The following MACROD2 variants were observed in gnomAD, a reference collection of about 807,000 sequenced individuals.
MACROD2 encodes the protein ADP-ribose glycohydrolase MACROD2.
MACROD2 carries 36 observed loss-of-function variants against 70.4 expected under a neutral mutation model. The observed-to-expected ratio is 0.51, with a 90% CI of 0.39 to 0.68. MACROD2 has a LOEUF of 0.68. Ranked by LOEUF, MACROD2 falls within the 30% of genes least tolerant of loss-of-function variation. The pLI, the probability that MACROD2 is intolerant of heterozygous loss-of-function variation, is 0.00. For missense variants in MACROD2, 496 were observed against 538.4 expected, an observed-to-expected ratio of 0.92 and a Z score of 0.78; for synonymous variants, 172 against 178.8, an observed-to-expected ratio of 0.96 and a Z score of 0.30.
chr20:15,356,010 A>T (rs1214764477), intron 6 of MACROD2, among the ~76,000 whole-genome samples: 1 of 152,050 alleles, frequency 6.6e-6, no homozygotes, highest in Non-Finnish European at 1.5e-5. Context: ...CTGGGCTCAG[A>T]CTTTTCTTCT....
chr20:15,285,038 T>G (rs2077478365), intron 6 of MACROD2, among the ~76,000 whole-genome samples: 1 of 151,516 alleles, frequency 6.6e-6, no homozygotes, highest in Non-Finnish European at 1.5e-5. Context: ...TCTATTTTTA[T>G]GACTAATGTT....
At position 15,816,742 on chromosome 20, in the gene MACROD2, C is replaced by T. The variant is rs553940009; in HGVS notation, c.646-46003C>T. ...TAGCTCCAGTCTGTACTAGGCATTA[C>T]GATGGTAAGTCCAGATGCAAAGAAA... On this transcript the variant is annotated intron_variant, in intron 8 of 17. Transcript: ENST00000684519. Among the ~76,000 whole-genome samples, 25 of 152,294 alleles carry T rather than the reference C, an allele frequency of 1.6e-4. No homozygotes were observed. In the South Asian group the frequency reaches 3.7e-3, roughly 23 times the overall value.
intron 8 of MACROD2, among the ~76,000 whole-genome samples, chr20:15,679,610 C>T (rs775216965): frequency 2.6e-5 from 4 of 152,196 alleles, no homozygotes; most frequent in Non-Finnish European, 5.9e-5. Context: ...TTAGCACTCT[C>T]AGAGCTTTGA....
chr20:15,920,703 C>A (rs962584671), intron 10 of MACROD2, among the ~76,000 whole-genome samples: 2 of 152,078 alleles, frequency 1.3e-5, no homozygotes, highest in Non-Finnish European at 2.9e-5. Context: ...TGCCTTTAGC[C>A]GGCAAATGAT....
chr20:15,332,946 C>T (rs79870965), intron 6 of MACROD2, among the ~76,000 whole-genome samples: 1 of 85,630 alleles, frequency 1.2e-5, no homozygotes, highest in Non-Finnish European at 2.0e-5. Context: ...TCAGCTTCTC[C>T]CTCTTGGCAC....
rs193094781 is a variant in MACROD2 at position 16,000,526 on chromosome 20, G to C, written c.1153+13368G>C. ...ACTCAGAAGCCTATTACCTTACTTT[G>C]ACTTGGCTTTATCTGGTCAGTCTCA... On this transcript the variant is annotated intron_variant, in intron 15 of 17. Transcript: ENST00000684519. Among the ~76,000 whole-genome samples the C allele has an allele frequency of 1.9e-3, 292 of 152,282 alleles. 1 individual carries two copies. Among genetic ancestry groups the C allele is most frequent in the Non-Finnish European group, 9.6e-4 (65 of 68,032 alleles).
At chr20:14,463,566 C>T (rs547009132) in intron 3 of MACROD2, among the ~76,000 whole-genome samples, 5 of 152,134 alleles carry the variant, frequency 3.3e-5, no homozygotes, top group African/African-American at 1.2e-4. Flanking sequence ...GAACTTCCAA[C>T]ACTATGTTGA....
At chr20:15,501,953 A>T (rs2047370253) in intron 8 of MACROD2, among the ~76,000 whole-genome samples, 1 of 152,180 alleles carries the variant, frequency 6.6e-6, no homozygotes, top group Admixed American at 6.5e-5. Flanking sequence ...CTGATTGGTT[A>T]AGCTACTTAT....
chr20:14,406,814 T>C (rs1025751023), intron 3 of MACROD2, among the ~76,000 whole-genome samples: 1 of 152,176 alleles, frequency 6.6e-6, no homozygotes, highest in Non-Finnish European at 1.5e-5. Flanking sequence ...ATATCACATA[T>C]TAATCATTGA....
chr20:14,757,850 C>A (rs921855271), intron 5 of MACROD2: 12 of 1,517,020 alleles, frequency 7.9e-6, no homozygotes, highest in Non-Finnish European at 1.1e-5. Flanking sequence ...ATGCCGTAGC[C>A]GTCCAGGGAC....
At chr20:15,422,614 A>G (rs1473564984) in intron 6 of MACROD2, among the ~76,000 whole-genome samples, 1 of 152,198 alleles carries the variant, frequency 6.6e-6, no homozygotes, top group Non-Finnish European at 1.5e-5. Flanking sequence ...AGTGCTCAGC[A>G]CATTTCGGTA....
chr20:15,615,478 A>T (rs976768262), intron 8 of MACROD2, among the ~76,000 whole-genome samples: 1 of 152,240 alleles, frequency 6.6e-6, no homozygotes, highest in African/African-American at 2.4e-5. Context: ...CCTTCATCAG[A>T]GCTGAGAGAG....
intron 5 of MACROD2, among the ~76,000 whole-genome samples, chr20:14,982,041 G>A (rs954570301): frequency 7.9e-5 from 12 of 152,140 alleles, no homozygotes; most frequent in African/African-American, 2.9e-4. Flanking sequence ...ATAAGGTCCA[G>A]GCTGTGGTGG....
At chr20:14,992,573 C>T (rs572610856) in intron 5 of MACROD2, among the ~76,000 whole-genome samples, 1 of 152,150 alleles carries the variant, frequency 6.6e-6, no homozygotes, top group Non-Finnish European at 1.5e-5. Context: ...TGTGATATGG[C>T]CTTTAAGATG....
intron 3 of MACROD2, among the ~76,000 whole-genome samples, chr20:14,275,754 G>A (rs1161570641): frequency 6.6e-6 from 1 of 152,090 alleles, no homozygotes. Flanking sequence ...CTAATATCCA[G>A]AATCTACAAT....
At chr20:14,967,723 G>T (rs995872295) in intron 5 of MACROD2, among the ~76,000 whole-genome samples, 1 of 151,980 alleles carries the variant, frequency 6.6e-6, no homozygotes, top group Non-Finnish European at 1.5e-5. Context: ...TTCCATGCTA[G>T]TGCTTTTGAG....
At chr20:15,562,769 G>T (rs1333036904) in intron 8 of MACROD2, among the ~76,000 whole-genome samples, 2 of 152,196 alleles carry the variant, frequency 1.3e-5, no homozygotes, top group African/African-American at 4.8e-5. Flanking sequence ...TAATGGAAAT[G>T]ATCTCCATGG....
At chr20:15,125,221 A>G (rs2076058003) in intron 5 of MACROD2, among the ~76,000 whole-genome samples, 1 of 152,230 alleles carries the variant, frequency 6.6e-6, no homozygotes, top group East Asian at 1.9e-4. Flanking sequence ...TATGATTTGG[A>G]AAACCTTTCA....
chr20:16,045,502 C>T (rs982605200), intron 17 of MACROD2, among the ~76,000 whole-genome samples: 17 of 152,094 alleles, frequency 1.1e-4, no homozygotes, highest in Non-Finnish European at 1.9e-4. Flanking sequence ...GAATTTTAGG[C>T]TCCTTTTCTC....
Sources: allele counts gnomAD v4.1 joint callset (sites outside exome capture counted in the v4.1 genomes callset), GRCh38; gene constraint gnomAD v4.1.1; transcripts MANE v1.5; gene names NCBI Gene and HGNC (gene_info 2026-07-23, HGNC 2026-07-21).